The following CHRNB1 variants were observed in gnomAD, a reference collection of about 807,000 sequenced individuals.
CHRNB1 encodes cholinergic receptor nicotinic beta 1 subunit, also known as acetylcholine receptor subunit beta.
CHRNB1 carries 47 observed loss-of-function variants against 53.8 expected under a neutral mutation model. That is an observed-to-expected ratio of 0.87 (90% CI 0.69 to 1.11). The LOEUF (loss-of-function observed/expected upper bound fraction) is 1.11, where lower values mean the gene tolerates loss of function less well. CHRNB1 is among the 50% of genes most tolerant of loss of function. The pLI, the probability that CHRNB1 is intolerant of heterozygous loss-of-function variation, is 0.00. For synonymous variants in CHRNB1, 259 were observed against 263.5 expected (o/e 0.98, Z 0.16); for missense variants, 605 against 654.9 (o/e 0.92, Z 0.83).
In CHRNB1 at chr17:7,447,000, C is replaced by T. The variant is rs556323311; in HGVS notation, c.354-43C>T. ...CGGGGCCTCGGGGGGCGGGGGGCCTCCGGGCGCGGGGCCTGATCCCTGATG... is the reference window on the plus strand; with the variant it reads ...CGGGGCCTCGGGGGGCGGGGGGCCTTCGGGCGCGGGGCCTGATCCCTGATG... On this transcript the variant is annotated intron_variant, in intron 4 of 10. Transcript: ENST00000306071. The T allele has an allele frequency of 1.1e-5, 18 of 1,609,014 alleles. No homozygotes were observed. The African/African-American group carries it at 2.1e-4, about 19-fold the overall frequency.
In CHRNB1 at chr17:7,445,776, C is replaced by A. The variant is rs189697144; in HGVS notation, c.199-293C>A. 5 of 644,122 alleles carry A rather than the reference C, an allele frequency of 7.8e-6. No homozygotes were observed. In the East Asian group the frequency reaches 1.4e-4, roughly 18 times the overall value. The allele number at this position is 644,122 out of a possible 1,614,324, so 39.9% of individuals were successfully genotyped here. On this transcript the variant is annotated intron_variant, in intron 2 of 10. Transcript: ENST00000306071. The surrounding 1 kb of genome is among the most constrained non-coding windows in gnomAD (Gnocchi z 5.7). ...CAATAAATGGCAGCGGGTGGAGGTT[C>A]GGGGCTGGGTGGATTATGAGCTGAA...
Position 7,445,597 on chromosome 17 carries a change from G to C in CHRNB1, c.198+188G>C. 1 of 1,474,238 alleles carries C rather than the reference G, an allele frequency of 6.8e-7. No homozygotes were observed. Among genetic ancestry groups the C allele is most frequent in the Non-Finnish European group, 9.0e-7 (1 of 1,115,286 alleles). The allele number at this position is 1,474,238 out of a possible 1,614,324, so 91.3% of individuals were successfully genotyped here. On this transcript the variant is annotated intron_variant, in intron 2 of 10. Transcript: ENST00000306071. The surrounding 1 kb of genome is among the most constrained non-coding windows in gnomAD (Gnocchi z 5.7). ...AAGCTCTGGCCGTGGGTGGTGGACG[G>C]GCCTGGAGTAGAACTGGGTAGGGTG...
chr17:7,449,402 C>CTTTTT (rs769505757), intron 7 of CHRNB1, among the ~76,000 whole-genome samples: 5 of 89,104 alleles, frequency 5.6e-5, no homozygotes, highest in Non-Finnish European at 1.0e-4. Flanking sequence ...AGGGCCCGAC[C>CTTTTT]TTTTTTTTTT....
At chr17:7,446,400 T>C (rs1412182269) in intron 3 of CHRNB1, 1 of 549,224 alleles carries the variant, frequency 1.8e-6, no homozygotes, top group African/African-American at 1.9e-5. Flanking sequence ...TTGCACAGGC[T>C]GTTCTTGAAT....
rs1323483296 is a variant in CHRNB1 at position 7,447,802 on chromosome 17, G to A, written c.610+152G>A. On this transcript the variant is annotated intron_variant, in intron 6 of 10. Coordinates refer to ENST00000306071, the MANE Select transcript of CHRNB1 (RefSeq NM_000747.3). The stretch of plus-strand genomic sequence containing the variant: ...ATTTTAAAAGTATGGAAATTGCCGG[G>A]GGCAGTGGTTCATGCCTGCAATCCC... 13 of 998,846 alleles carry A rather than the reference G, an allele frequency of 1.3e-5. No individual in the cohort carries two copies. In the Admixed American group the frequency reaches 2.7e-4, roughly 21 times the overall value. 61.9% of individuals were successfully genotyped at this position (998,846 alleles called of 1,614,324 possible).
chr17:7,455,236 G>C, intron 8 of CHRNB1, 48 bp from the exon 9 acceptor site: 1 of 1,611,480 alleles, frequency 6.2e-7, no homozygotes. Context: ...TTCCCTTCTG[G>C]TCTGAAAGCA....
At chr17:7,446,612 T>C (rs943970519) in intron 3 of CHRNB1, 7 of 592,698 alleles carry the variant, frequency 1.2e-5, no homozygotes, top group African/African-American at 1.9e-5. Context: ...TCCTCATTTT[T>C]ACAGAGTAAA....
Position 7,448,662 on chromosome 17 carries a change from C to A in CHRNB1, c.694C>A (p.Arg232Ser), listed in dbSNP as rs751294067. Residue 232 changes from arginine to serine, a missense_variant, in exon 7 of 11, where the codon CGC becomes AGC. Physicochemically the swap from Arg to Ser is moderately radical, Grantham distance 110 (BLOSUM62 -1). Transcript: ENST00000306071. ...GDPRGGREGQ[R>S]QEVIFYLIIR... is the part of the protein sequence containing the mutation. ...TCCTAGGGGAGGGAGGGAAGGACAGCGCCAGGAAGTCATCTTCTACCTCAT... is the reference window on the plus strand; with the variant it reads ...TCCTAGGGGAGGGAGGGAAGGACAGAGCCAGGAAGTCATCTTCTACCTCAT... 17 of 1,614,000 alleles carry A rather than the reference C, an allele frequency of 1.1e-5. 1 individual carries two copies. The African/African-American group carries it at 2.1e-4, about 20-fold the overall frequency.
Position 7,445,619 on chromosome 17 carries a change from G to A in CHRNB1, c.198+210G>A. On this transcript the variant is annotated intron_variant, in intron 2 of 10. Coordinates refer to ENST00000306071, the MANE Select transcript of CHRNB1 (RefSeq NM_000747.3). This position sits in a 1 kb window ranked among gnomAD's most constrained non-coding sequence, Gnocchi z 5.7. ...ACGGGCCTGGAGTAGAACTGGGTAG[G>A]GTGAAGGACGGACCTGTGATCGGAC... The A allele has an allele frequency of 6.9e-7, 1 of 1,451,144 alleles. No homozygotes were observed. Among genetic ancestry groups the A allele is most frequent in the Non-Finnish European group, 9.0e-7 (1 of 1,105,578 alleles). The allele number at this position is 1,451,144 out of a possible 1,614,324, so 89.9% of individuals were successfully genotyped here.
At position 7,446,954 on chromosome 17, in the gene CHRNB1, TC is replaced by T; in HGVS notation, c.353+14del. The T allele has an allele frequency of 8.1e-7, 1 of 1,232,232 alleles. No individual in the cohort carries two copies. The highest frequency in any genetic ancestry group is 1.5e-5 in the African/African-American group (1 of 65,990). The allele number at this position is 1,232,232 out of a possible 1,614,324, so 76.3% of individuals were successfully genotyped here. On this transcript the variant is annotated intron_variant, in intron 4 of 10. Coordinates refer to ENST00000306071, the MANE Select transcript of CHRNB1 (RefSeq NM_000747.3). The stretch of plus-strand genomic sequence containing the variant: ...GTGCTACTGAACAAGTAGGAGAACT[TC>T]CAAAGCCCGGGAGGTGGCGCGGGGC...
At chr17:7,452,350 A>G (rs1404244430) in intron 7 of CHRNB1, among the ~76,000 whole-genome samples, 1 of 152,104 alleles carries the variant, frequency 6.6e-6, no homozygotes, top group Non-Finnish European at 1.5e-5. Flanking sequence ...GAGCCACCGC[A>G]CCCAGCTTGA....
chr17:7,454,378 C>T lies in CHRNB1; in HGVS notation c.902C>T (p.Thr301Ile), dbSNP rs1178963285. 1.9e-6 allele frequency: 3 copies of T among 1,614,170 alleles called. No homozygotes were observed. Among genetic ancestry groups the T allele is most frequent in the Middle Eastern group, 1.6e-4 (1 of 6,062 alleles). The change falls in exon 8 of 11, where the codon ACC (threonine) becomes ATC (isoleucine). Residue 301 changes from threonine (T) to isoleucine (I), a missense_variant. Physicochemically the swap from Thr to Ile is moderately conservative, Grantham distance 89. Transcript: ENST00000306071. ...LLLLADKVPE[T>I]SLSVPIIIKY... Reference sequence around the variant, plus strand: ...CTGCTGGCTGACAAAGTACCTGAGACCTCACTATCAGTACCCATTATTATC... The same window carrying T: ...CTGCTGGCTGACAAAGTACCTGAGATCTCACTATCAGTACCCATTATTATC...
intron 5 of CHRNB1, 174 bp from the exon 6 acceptor site, chr17:7,447,329 T>G (rs906009576): frequency 1.1e-6 from 1 of 928,146 alleles, no homozygotes; most frequent in Admixed American, 2.0e-5. Context: ...TTTCTTTGAC[T>G]TCTAGTCTTA....
In CHRNB1 at chr17:7,445,507, G is replaced by C; in HGVS notation, c.198+98G>C. The C allele has an allele frequency of 6.4e-7, 1 of 1,550,510 alleles. No homozygotes were observed. Among genetic ancestry groups the C allele is most frequent in the Non-Finnish European group, 8.7e-7 (1 of 1,152,640 alleles). On this transcript the variant is annotated intron_variant, in intron 2 of 10. Transcript: ENST00000306071. This position sits in a 1 kb window ranked among gnomAD's most constrained non-coding sequence, Gnocchi z 5.7. ...AGGGACAGGCTGGGGGCGGGGCCTG[G>C]GACGAGACCAGGCTGAGATGGACCA...
At chr17:7,446,993 G>T in intron 4 of CHRNB1, 50 bp from the exon 5 acceptor site, 2 of 1,605,998 alleles carry the variant, frequency 1.2e-6, no homozygotes, top group Non-Finnish European at 1.7e-6. Context: ...CGGGGGGCGG[G>T]GGGCCTCCGG....
Position 7,445,335 on chromosome 17 carries a change from G to A in CHRNB1, c.124G>A (p.Val42Met). The A allele has an allele frequency of 6.2e-7, 1 of 1,613,150 alleles. No homozygotes were observed. The highest frequency in any genetic ancestry group is 1.6e-4 in the Middle Eastern group (1 of 6,062). Residue 42 changes from valine to methionine, a missense_variant, in exon 2 of 11, where the codon GTG (valine) becomes ATG (methionine). Coordinates refer to ENST00000306071, the MANE Select transcript of CHRNB1 (RefSeq NM_000747.3). The surrounding 1 kb of genome is among the most constrained non-coding windows in gnomAD (Gnocchi z 5.7). ...EKLFSGYDSS[V>M]RPAREVGDRV... is the part of the protein sequence containing the mutation. ...ACTTTTCTCTGGCTATGATAGCTCC[G>A]TGCGGCCAGCGCGGGAGGTGGGAGA...
rs947947433 is a variant in CHRNB1 at position 7,445,816 on chromosome 17, C to G, written c.199-253C>G. 6.5e-6 allele frequency: 4 copies of G among 618,302 alleles called. No homozygotes were observed. The highest frequency in any genetic ancestry group is 1.1e-5 in the Non-Finnish European group (4 of 353,814). The allele number at this position is 618,302 out of a possible 1,614,324, so 38.3% of individuals were successfully genotyped here. ...TATGAGCTGAAGGCAGGGCCGGGGA[C>G]AGAGCTAGGCGGAGGGCTAGGCAGG... On this transcript the variant is annotated intron_variant, in intron 2 of 10. Transcript: ENST00000306071. This position sits in a 1 kb window ranked among gnomAD's most constrained non-coding sequence, Gnocchi z 5.7.
rs1489206812 is a variant in CHRNB1, at chr17:7,457,658, T to C, written c.*935T>C. The C allele has an allele frequency of 6.6e-6, 1 of 152,226 alleles. No individual in the cohort carries two copies. The highest frequency in any genetic ancestry group is 1.5e-5 in the Non-Finnish European group (1 of 68,032). The allele number at this position is 152,226 out of a possible 1,614,324, so 9.4% of individuals were successfully genotyped here. On this transcript the variant is annotated 3_prime_UTR_variant, in exon 11 of 11. Transcript: ENST00000306071. The stretch of plus-strand genomic sequence containing the variant: ...TTTCTTTTTACCTTTCTGTAATTTA[T>C]TATGTTTTGTAATGTGTACTATCTC...
rs1172294277 is a variant in CHRNB1, at chr17:7,457,541, A to G, written c.*818A>G. 6.6e-6 allele frequency: 1 copy of G among 152,194 alleles called. No homozygotes were observed. The highest frequency in any genetic ancestry group is 1.5e-5 in the Non-Finnish European group (1 of 68,052). 9.4% of individuals were successfully genotyped at this position (152,194 alleles called of 1,614,324 possible). A position where few individuals can be genotyped will look rare whatever the true frequency, so the allele number is the denominator to read the frequency against. On this transcript the variant is annotated 3_prime_UTR_variant, in exon 11 of 11. Coordinates refer to ENST00000306071, the MANE Select transcript of CHRNB1 (RefSeq NM_000747.3). ...TACTTGAAACCCACAGTTTGAGACC[A>G]GCCTGGGCAACATAGTGAGACCCTG...
Sources: allele counts gnomAD v4.1 joint callset (sites outside exome capture counted in the v4.1 genomes callset), GRCh38; gene constraint gnomAD v4.1.1; non-coding constraint Gnocchi (gnomAD v3.1); transcripts MANE v1.5; gene names NCBI Gene and HGNC (gene_info 2026-07-23, HGNC 2026-07-21).